Variants in ARID1B observed in about 807,000 individuals in gnomAD.
ARID1B encodes AT-rich interactive domain-containing protein 1B.
Under a neutral mutation model 212.3 loss-of-function variants are expected in ARID1B, and 30 were observed. The observed-to-expected ratio is 0.14, with a 90% CI of 0.11 to 0.19. The LOEUF (loss-of-function observed/expected upper bound fraction) is 0.19, where lower values mean the gene tolerates loss of function less well. Among genes scored for constraint, ARID1B ranks in the 10% least tolerant of loss-of-function variants. The probability of loss-of-function intolerance (pLI) is 1.00; values close to 1 mark genes in which losing one functional copy is unlikely to be tolerated. For missense variants in ARID1B, 2,891 were observed against 3,204.0 expected (o/e 0.90, Z 2.36); for synonymous variants, 1,402 against 1,301.7 (o/e 1.08, Z -1.66).
chr6:156,859,587 C>G (rs1162552240), intron 2 of ARID1B, among the ~76,000 whole-genome samples: 1 of 152,010 alleles, frequency 6.6e-6, no homozygotes, highest in Non-Finnish European at 1.5e-5. Context: ...GTAAAGGAAA[C>G]TTAAAGTTGA....
chr6:156,879,835 T>C (rs989620300), intron 2 of ARID1B, among the ~76,000 whole-genome samples: 2 of 152,252 alleles, frequency 1.3e-5, no homozygotes, highest in African/African-American at 4.8e-5. Context: ...TCCTGTGTTT[T>C]AGACTAGTGA....
At chr6:156,812,829 A>G (rs1781644512) in intron 1 of ARID1B, among the ~76,000 whole-genome samples, 1 of 150,782 alleles carries the variant, frequency 6.6e-6, no homozygotes, top group South Asian at 2.1e-4. Context: ...CAGATCCTCA[A>G]CAGTTGAGAT....
At chr6:156,831,568 A>G (rs1468978942) in intron 2 of ARID1B, among the ~76,000 whole-genome samples, 1 of 152,244 alleles carries the variant, frequency 6.6e-6, no homozygotes, top group Non-Finnish European at 1.5e-5. Flanking sequence ...ATGATTACCT[A>G]GGAAATGTTT....
intron 2 of ARID1B, among the ~76,000 whole-genome samples, chr6:156,858,987 A>G (rs1417814705): frequency 6.6e-6 from 1 of 152,160 alleles, no homozygotes; most frequent in South Asian, 2.1e-4. Context: ...ACTGTACACT[A>G]CTGTAGACAT....
intron 4 of ARID1B, chr6:156,976,350 T>C: frequency 6.1e-6 from 1 of 165,164 alleles, no homozygotes; most frequent in Non-Finnish European, 1.3e-5. Flanking sequence ...TAGGTGCTTT[T>C]TAAGCTGTGC....
chr6:157,061,717 C>T (rs996633910), intron 4 of ARID1B, among the ~76,000 whole-genome samples: 3 of 152,114 alleles, frequency 2.0e-5, no homozygotes, highest in African/African-American at 7.2e-5. Context: ...CATATTTTAT[C>T]TGATAACTCT....
intron 4 of ARID1B, among the ~76,000 whole-genome samples, chr6:157,021,363 G>C (rs1484508341): frequency 6.6e-6 from 1 of 152,232 alleles, no homozygotes; most frequent in Non-Finnish European, 1.5e-5. Flanking sequence ...GGGACCACCA[G>C]GCAGCGGGCG....
chr6:157,152,375 G>C (rs982336924), intron 8 of ARID1B: 1 of 152,188 alleles, frequency 6.6e-6, no homozygotes, highest in Non-Finnish European at 1.5e-5. Flanking sequence ...AGCTTCCTTA[G>C]AGTACAACAC....
chr6:156,801,946 G>A (rs1302370344), intron 1 of ARID1B, among the ~76,000 whole-genome samples: 4 of 152,322 alleles, frequency 2.6e-5, no homozygotes, highest in Middle Eastern at 3.4e-3. Flanking sequence ...TGACTAAAAT[G>A]TTTTAACTCT....
At chr6:157,081,050 G>T (rs185000463) in intron 4 of ARID1B, among the ~76,000 whole-genome samples, 1 of 152,278 alleles carries the variant, frequency 6.6e-6, no homozygotes, top group African/African-American at 2.4e-5. Context: ...AGCCCATGAA[G>T]TCATTGCCTT....
chr6:157,124,018 A>G (rs1162209342), intron 6 of ARID1B, among the ~76,000 whole-genome samples: 1 of 152,252 alleles, frequency 6.6e-6, no homozygotes, highest in African/African-American at 2.4e-5. Context: ...TCTGATAGAC[A>G]TTTAGGCCAT....
intron 4 of ARID1B, chr6:156,941,969 G>A (rs781364895): frequency 2.0e-5 from 3 of 152,102 alleles, no homozygotes; most frequent in African/African-American, 7.2e-5. Context: ...TTTGCTTAGT[G>A]GTAATGTTTT....
intron 8 of ARID1B, chr6:157,151,897 C>T (rs1790225775): frequency 6.6e-6 from 1 of 152,156 alleles, no homozygotes; most frequent in Admixed American, 6.5e-5. Flanking sequence ...TTTATTTAGA[C>T]AGAACAAATG....
chr6:157,154,584 T>G (rs1164720060), intron 8 of ARID1B, among the ~76,000 whole-genome samples: 1 of 143,420 alleles, frequency 7.0e-6, no homozygotes, highest in East Asian at 2.0e-4. Context: ...TTTTTTGTTT[T>G]TTTTTTTTTT....
At chr6:156,874,195 G>A (rs369498947) in intron 2 of ARID1B, among the ~76,000 whole-genome samples, 24 of 152,280 alleles carry the variant, frequency 1.6e-4, no homozygotes, top group African/African-American at 5.1e-4. Flanking sequence ...CTTTCAGGTA[G>A]CTGGGACAAT....
intron 2 of ARID1B, among the ~76,000 whole-genome samples, chr6:156,877,878 T>A (rs888797081): frequency 1.5e-5 from 1 of 65,634 alleles, no homozygotes; most frequent in African/African-American, 8.2e-5. Context: ...CCTAGCTAAT[T>A]TTTTTTTTTG....
At chr6:156,897,867 GT>G (rs1241275245) in intron 2 of ARID1B, among the ~76,000 whole-genome samples, 2 of 152,070 alleles carry the variant, frequency 1.3e-5, no homozygotes, top group African/African-American at 4.8e-5. Flanking sequence ...TCCTTGATTC[GT>G]TAAAATTTTT....
intron 1 of ARID1B, among the ~76,000 whole-genome samples, chr6:156,815,439 T>C (rs1781897085): frequency 6.6e-6 from 1 of 152,202 alleles, no homozygotes; most frequent in Non-Finnish European, 1.5e-5. Context: ...AAAAGGATAA[T>C]GTAACTTCTT....
rs147835417 is a variant in ARID1B, at chr6:157,138,200, T to TTTGGTTGGTTGGTTGG, written c.2761+5020_2761+5035dup. On this transcript the variant is annotated intron_variant, in intron 7 of 19. Transcript: ENST00000636930. Reference sequence around the variant, plus strand: ...CTCTTCTAAGTTCAGAACCTCCATCTTTGGTTGGTTGGTTGGTTGGTTGGT... The same window carrying TTTGGTTGGTTGGTTGG: ...CTCTTCTAAGTTCAGAACCTCCATCTTTGGTTGGTTGGTTGGTTGGTTGGTTGGTTGGTTGGTTGGT... 6.1e-3 allele frequency among the ~76,000 whole-genome samples: 913 copies of TTTGGTTGGTTGGTTGG among 149,082 alleles called. 3 individuals are homozygous for TTTGGTTGGTTGGTTGG. The highest frequency in any genetic ancestry group is 7.0e-3 in the Non-Finnish European group (473 of 67,366).
Sources: gnomAD v4.1 joint callset for allele counts (sites outside exome capture counted in the v4.1 genomes callset) on GRCh38, gnomAD v4.1.1 for gene constraint, MANE v1.5 for transcripts, NCBI Gene and HGNC (gene_info 2026-07-23, HGNC 2026-07-21) for gene names.